TNF: variants seen among roughly 807,000 people sequenced by gnomAD.
The protein encoded by TNF is APC1 protein.
A neutral mutation model predicts 21.8 loss-of-function variants in TNF; 7 were observed. The ratio of observed to expected loss-of-function variants is 0.32; its 90% CI spans 0.18 to 0.60. The LOEUF is 0.60. Among genes scored for constraint, TNF ranks in the 20% least tolerant of loss-of-function variants. The pLI is 0.84. For synonymous variants in TNF, 123 were observed against 130.2 expected, an observed-to-expected ratio of 0.94 and a Z score of 0.38; for missense variants, 216 against 296.6, an observed-to-expected ratio of 0.73 and a Z score of 2.00.
At chr6:31,576,497 C>A in intron 1 of TNF, 37 bp from the exon 2 acceptor site, 2 of 1,607,670 alleles carry the variant, frequency 1.2e-6, no homozygotes, top group Non-Finnish European at 1.7e-6. Flanking sequence ...TTAAGGGTGA[C>A]TCCCTCGATG....
At position 31,578,135 on chromosome 6, in the gene TNF, A is replaced by T. The variant is rs923107614; in HGVS notation, c.*598A>T. On this transcript the variant is annotated 3_prime_UTR_variant, in exon 4 of 4. Coordinates refer to ENST00000449264, the MANE Select transcript of TNF (RefSeq NM_000594.4). This position sits in a 1 kb window ranked among gnomAD's most constrained non-coding sequence, Gnocchi z 6.0. Reference sequence around the variant, plus strand: ...TTCCGTGAAAACGGAGCTGAACAATAGGCTGTTCCCATGTAGCCCCCTGGC... The same window carrying T: ...TTCCGTGAAAACGGAGCTGAACAATTGGCTGTTCCCATGTAGCCCCCTGGC... 6.6e-6 allele frequency: 1 copy of T among 152,298 alleles called. No homozygotes were observed. The highest frequency in any genetic ancestry group is 2.4e-5 in the African/African-American group (1 of 41,458). The allele number at this position is 152,298 out of a possible 1,614,324, so 9.4% of individuals were successfully genotyped here. A position where few individuals can be genotyped will look rare whatever the true frequency, so the allele number is the denominator to read the frequency against.
Position 31,576,821 on chromosome 6 carries a change from G to C in TNF, c.280+7G>C. 6.2e-7 allele frequency: 1 copy of C among 1,613,036 alleles called. No homozygotes were observed. The highest frequency in any genetic ancestry group is 2.2e-5 in the East Asian group (1 of 44,886). ...CCTGTAGCCCATGTTGTAGGTAAGA[G>C]CTCTGAGGATGTGTCTTGGAACTTG... On this transcript the variant is annotated splice_region_variant and intron_variant, in intron 3 of 3. Coordinates refer to ENST00000449264, the MANE Select transcript of TNF (RefSeq NM_000594.4).
Position 31,577,070 on chromosome 6 carries a change from C to T in TNF, c.281-46C>T, listed in dbSNP as rs1372885011. The T allele has an allele frequency of 5.8e-6, 9 of 1,554,738 alleles. No homozygotes were observed. The highest frequency in any genetic ancestry group is 1.4e-5 in the African/African-American group (1 of 73,906). ...GAGGGCCAGGATGTGGAGAGTGAAC[C>T]GACATGGCCACACTGACTCTCCTCT... On this transcript the variant is annotated intron_variant, in intron 3 of 3. Transcript: ENST00000449264. The surrounding 1 kb of genome is among the most constrained non-coding windows in gnomAD (Gnocchi z 7.7).
chr6:31,577,594 C>T lies in TNF; in HGVS notation c.*57C>T, dbSNP rs985558695. On this transcript the variant is annotated 3_prime_UTR_variant, in exon 4 of 4. Transcript: ENST00000449264. This position sits in a 1 kb window ranked among gnomAD's most constrained non-coding sequence, Gnocchi z 7.7. ...TCCCCTGCCCCAATCCCTTTATTACCCCCTCCTTCAGACACCCTCAACCTC... is the reference window on the plus strand; with the variant it reads ...TCCCCTGCCCCAATCCCTTTATTACTCCCTCCTTCAGACACCCTCAACCTC... 2 of 1,600,156 alleles carry T rather than the reference C, an allele frequency of 1.2e-6. No individual in the cohort carries two copies. The highest frequency in any genetic ancestry group is 1.3e-5 in the African/African-American group (1 of 74,692).
rs1056210947 is a variant in TNF, at chr6:31,576,828, G to C, written c.280+14G>C. On this transcript the variant is annotated intron_variant, in intron 3 of 3. Transcript: ENST00000449264. ...CCCATGTTGTAGGTAAGAGCTCTGA[G>C]GATGTGTCTTGGAACTTGGAGGGCT... 3 of 1,612,926 alleles carry C rather than the reference G, an allele frequency of 1.9e-6. No individual in the cohort carries two copies. Among genetic ancestry groups the C allele is most frequent in the Non-Finnish European group, 2.5e-6 (3 of 1,179,978 alleles).
chr6:31,577,600 C>T lies in TNF; in HGVS notation c.*63C>T, dbSNP rs775041173. On this transcript the variant is annotated 3_prime_UTR_variant, in exon 4 of 4. Transcript: ENST00000449264. This position sits in a 1 kb window ranked among gnomAD's most constrained non-coding sequence, Gnocchi z 7.7. ...GCCCCAATCCCTTTATTACCCCCTC[C>T]TTCAGACACCCTCAACCTCTTCTGG... 1.3e-6 allele frequency: 2 copies of T among 1,589,322 alleles called. No individual in the cohort carries two copies. The highest frequency in any genetic ancestry group is 2.7e-5 in the African/African-American group (2 of 74,536).
chr6:31,575,932 G>A lies in TNF; in HGVS notation c.186+5G>A. On this transcript the variant is annotated splice_donor_5th_base_variant and intron_variant, in intron 1 of 3. Coordinates refer to ENST00000449264, the MANE Select transcript of TNF (RefSeq NM_000594.4). The surrounding 1 kb of genome is among the most constrained non-coding windows in gnomAD (Gnocchi z 6.2). ...ATCGGCCCCCAGAGGGAAGAGGTGA[G>A]TGCCTGGCCAGCCTTCATCCACTCT... The A allele has an allele frequency of 2.0e-6, 3 of 1,523,758 alleles. No individual in the cohort carries two copies. The highest frequency in any genetic ancestry group is 1.8e-6 in the Non-Finnish European group (2 of 1,133,194). The allele number at this position is 1,523,758 out of a possible 1,614,324, so 94.4% of individuals were successfully genotyped here. A position where few individuals can be genotyped will look rare whatever the true frequency, so the allele number is the denominator to read the frequency against.
At chr6:31,576,372 T>G (rs1050012863) in intron 1 of TNF, among the ~76,000 whole-genome samples, 162 bp from the exon 2 acceptor site, 1 of 152,030 alleles carries the variant, frequency 6.6e-6, no homozygotes, top group Non-Finnish European at 1.5e-5. Flanking sequence ...CAGAAGACAC[T>G]CAGGGAAAGA....
At position 31,577,333 on chromosome 6, in the gene TNF, G is replaced by A. The variant is rs1486469490; in HGVS notation, c.498G>A (p.Lys166=). 1.9e-6 allele frequency: 3 copies of A among 1,613,082 alleles called. No homozygotes were observed. Among genetic ancestry groups the A allele is most frequent in the African/African-American group, 2.7e-5 (2 of 74,932 alleles). Residue 166 remains lysine, a synonymous_variant, in exon 4 of 4, where the codon AAG becomes AAA. Transcript: ENST00000449264. The surrounding 1 kb of genome is among the most constrained non-coding windows in gnomAD (Gnocchi z 7.7). ...GCATCGCCGTCTCCTACCAGACCAA[G>A]GTCAACCTCCTCTCTGCCATCAAGA... is the stretch of plus-strand genomic sequence containing the variant. The part of the protein sequence containing the change: ...ISRIAVSYQT[K]VNLLSAIKSP...
Position 31,577,018 on chromosome 6 carries a change from GA to G in TNF, c.281-96del. The G allele has an allele frequency of 6.8e-7, 1 of 1,476,886 alleles. No individual in the cohort carries two copies. The highest frequency in any genetic ancestry group is 9.2e-7 in the Non-Finnish European group (1 of 1,087,264). The allele number at this position is 1,476,886 out of a possible 1,614,324, so 91.5% of individuals were successfully genotyped here. A position where few individuals can be genotyped will look rare whatever the true frequency, so the allele number is the denominator to read the frequency against. On this transcript the variant is annotated intron_variant, in intron 3 of 3. Coordinates refer to ENST00000449264, the MANE Select transcript of TNF (RefSeq NM_000594.4). The surrounding 1 kb of genome is among the most constrained non-coding windows in gnomAD (Gnocchi z 7.7). ...GTGGGATGACAGACAGAGAGGACAG[GA>G]ACCGGATGTGGGGTGGGCAGAGCTC...
chr6:31,577,272 C>T lies in TNF; in HGVS notation c.437C>T (p.Pro146Leu), dbSNP rs2150389841. The change falls in exon 4 of 4, where the codon CCC becomes CTC. Residue 146 changes from proline (P) to leucine (L), a missense_variant. By Grantham distance (98) the Pro-to-Leu change is moderately conservative. Around this residue, in one of 2 missense-constraint regions of TNF, gnomAD observed 98 missense variants for 169.6 expected, o/e 0.58. Coordinates refer to ENST00000449264, the MANE Select transcript of TNF (RefSeq NM_000594.4). The surrounding 1 kb of genome is among the most constrained non-coding windows in gnomAD (Gnocchi z 7.7). The stretch of plus-strand genomic sequence containing the variant: ...GTCCTCTTCAAGGGCCAAGGCTGCC[C>T]CTCCACCCATGTGCTCCTCACCCAC... Reference protein sequence around the residue: ...SQVLFKGQGCPSTHVLLTHTI... With the variant: ...SQVLFKGQGCLSTHVLLTHTI... The T allele has an allele frequency of 6.2e-7, 1 of 1,613,200 alleles. No individual in the cohort carries two copies. The highest frequency in any genetic ancestry group is 8.5e-7 in the Non-Finnish European group (1 of 1,180,026).
At chr6:31,576,995 G>T in intron 3 of TNF, 121 bp from the exon 4 acceptor site, 1 of 1,402,856 alleles carries the variant, frequency 7.1e-7, no homozygotes. Flanking sequence ...GGTGGGATGT[G>T]GGATGACAGA....
intron 3 of TNF, 61 bp downstream of exon 3, chr6:31,576,875 G>A (rs4645844): frequency 3.7e-5 from 59 of 1,582,212 alleles, no homozygotes; most frequent in African/African-American, 4.0e-5. Context: ...ATTGAAGCCC[G>A]GCTGATGGTA....
Position 31,575,809 on chromosome 6 carries a change from G to T in TNF, c.68G>T (p.Gly23Val), listed in dbSNP as rs1234547532. 2 of 1,611,576 alleles carry T rather than the reference G, an allele frequency of 1.2e-6. No homozygotes were observed. The highest frequency in any genetic ancestry group is 1.7e-6 in the Non-Finnish European group (2 of 1,178,884). The change falls in exon 1 of 4, where the codon GGG becomes GTG. Residue 23 changes from glycine to valine, a missense_variant. Physicochemically the swap from Gly to Val is moderately radical, Grantham distance 109. This residue lies in a region of TNF where 118 missense variants were observed against 127.1 expected (regional missense o/e 0.93). Transcript: ENST00000449264. The surrounding 1 kb of genome is among the most constrained non-coding windows in gnomAD (Gnocchi z 6.2). Reference sequence around the variant, plus strand: ...GAGGCGCTCCCCAAGAAGACAGGGGGGCCCCAGGGCTCCAGGCGGTGCTTG... The same window carrying T: ...GAGGCGCTCCCCAAGAAGACAGGGGTGCCCCAGGGCTCCAGGCGGTGCTTG... ...AEEALPKKTG[G>V]PQGSRRCLFL... is the part of the protein sequence containing the mutation.
intron 1 of TNF, among the ~76,000 whole-genome samples, chr6:31,576,242 A>G (rs532165063): frequency 6.6e-6 from 1 of 151,558 alleles, no homozygotes. Context: ...GTGAGAAGAG[A>G]GATGGGGGAA....
chr6:31,575,914 C>A lies in TNF; in HGVS notation c.173C>A (p.Pro58His). ...FCLLHFGVIG[P>H]QREEFPRDLS... The stretch of plus-strand genomic sequence containing the variant: ...CTGCTGCACTTTGGAGTGATCGGCC[C>A]CCAGAGGGAAGAGGTGAGTGCCTGG... Residue 58 changes from proline (P) to histidine (H), a missense_variant, in exon 1 of 4, where the codon CCC becomes CAC. By Grantham distance (77) the Pro-to-His change is moderately conservative. Around this residue, in one of 2 missense-constraint regions of TNF, gnomAD observed 118 missense variants for 127.1 expected, o/e 0.93. Coordinates refer to ENST00000449264, the MANE Select transcript of TNF (RefSeq NM_000594.4). This position sits in a 1 kb window ranked among gnomAD's most constrained non-coding sequence, Gnocchi z 6.2. The A allele has an allele frequency of 6.4e-7, 1 of 1,560,332 alleles. No individual in the cohort carries two copies. Among genetic ancestry groups the A allele is most frequent in the Non-Finnish European group, 8.7e-7 (1 of 1,152,834 alleles).
chr6:31,576,938 G>A, intron 3 of TNF, 124 bp downstream of exon 3: 9 of 1,392,568 alleles, frequency 6.5e-6, no homozygotes, highest in Non-Finnish European at 9.1e-6. Context: ...AGGGAAGGGT[G>A]GAGGAACAGC....
At chr6:31,576,096 AAGAG>A (rs1350368186) in intron 1 of TNF, among the ~76,000 whole-genome samples, 169 bp downstream of exon 1, 1 of 152,002 alleles carries the variant, frequency 6.6e-6, no homozygotes, top group African/African-American at 2.4e-5. Context: ...AGAGATGGGG[AAGAG>A]AGAGAGAGAA....
In TNF at chr6:31,577,128, C is replaced by G; in HGVS notation, c.293C>G (p.Ala98Gly). ...PVAHVVANPQ[A>G]EGQLQWLNRR... ...TCCCTCCCTCCAGCAAACCCTCAAGCTGAGGGGCAGCTCCAGTGGCTGAAC... is the reference window on the plus strand; with the variant it reads ...TCCCTCCCTCCAGCAAACCCTCAAGGTGAGGGGCAGCTCCAGTGGCTGAAC... Residue 98 changes from alanine (A) to glycine (G), a missense_variant, in exon 4 of 4, where the codon GCT becomes GGT. By Grantham distance (60) the Ala-to-Gly change is moderately conservative. This residue lies in a region of TNF where 118 missense variants were observed against 127.1 expected (regional missense o/e 0.93). Transcript: ENST00000449264. This position sits in a 1 kb window ranked among gnomAD's most constrained non-coding sequence, Gnocchi z 7.7. 1 of 1,607,634 alleles carries G rather than the reference C, an allele frequency of 6.2e-7. No individual in the cohort carries two copies. Among genetic ancestry groups the G allele is most frequent in the Non-Finnish European group, 8.5e-7 (1 of 1,177,154 alleles).
Sources: allele counts gnomAD v4.1 joint callset (sites outside exome capture counted in the v4.1 genomes callset), GRCh38; gene constraint gnomAD v4.1.1; regional missense constraint gnomAD v4.1.1; non-coding constraint Gnocchi (gnomAD v3.1); transcripts MANE v1.5; gene names NCBI Gene and HGNC (gene_info 2026-07-23, HGNC 2026-07-21).